Variants in DCDC1 observed in about 807,000 individuals in gnomAD.
The protein encoded by DCDC1 is doublecortin domain containing 1.
Under a neutral mutation model 178.3 loss-of-function variants are expected in DCDC1, and 200 were observed. The ratio of observed to expected loss-of-function variants is 1.12; its 90% CI spans 1.00 to 1.26. The LOEUF is 1.26. Among genes scored for constraint, DCDC1 ranks in the 50% most tolerant of loss-of-function variants. DCDC1 has a pLI of 0.00. For missense variants in DCDC1, 1,983 were observed against 1,749.2 expected, an observed-to-expected ratio of 1.13 and a Z score of -2.38; for synonymous variants, 690 against 604.8, an observed-to-expected ratio of 1.14 and a Z score of -2.07.
At chr11:31,215,375 A>AT (rs1343340983) in intron 9 of DCDC1, 1 of 151,386 alleles carries the variant, frequency 6.6e-6, no homozygotes, top group Non-Finnish European at 1.5e-5. Flanking sequence ...TGTAGATAAG[A>AT]TACACATGCA....
intron 20 of DCDC1, among the ~76,000 whole-genome samples, chr11:31,005,976 A>C (rs78174078): frequency 1.3e-5 from 2 of 150,778 alleles, no homozygotes; most frequent in African/African-American, 2.4e-5. Flanking sequence ...AAAAAAAAAA[A>C]AACTTTTGGT....
At chr11:31,083,055 T>C (rs759163892) in intron 17 of DCDC1, among the ~76,000 whole-genome samples, 1 of 152,204 alleles carries the variant, frequency 6.6e-6, no homozygotes, top group Non-Finnish European at 1.5e-5. Flanking sequence ...TCCTTAACAT[T>C]ATACAGCTAC....
intron 20 of DCDC1, among the ~76,000 whole-genome samples, chr11:31,062,549 A>G (rs1955991068): frequency 6.6e-6 from 1 of 152,142 alleles, no homozygotes; most frequent in South Asian, 2.1e-4. Flanking sequence ...CTGGAACTTA[A>G]GTTTCTGTAC....
chr11:31,275,605 A>G (rs777359741), intron 7 of DCDC1, among the ~76,000 whole-genome samples: 4 of 152,042 alleles, frequency 2.6e-5, no homozygotes, highest in Non-Finnish European at 5.9e-5. Flanking sequence ...CCCGGGTTCA[A>G]GTGATTCTCC....
chr11:31,029,862 C>G (rs1953503789), intron 20 of DCDC1, among the ~76,000 whole-genome samples: 1 of 151,838 alleles, frequency 6.6e-6, no homozygotes, highest in Non-Finnish European at 1.5e-5. Context: ...ATAGAAAGGC[C>G]AAAGAAGAGT....
intron 20 of DCDC1, among the ~76,000 whole-genome samples, chr11:31,014,665 G>A (rs1214292942): frequency 6.6e-6 from 1 of 152,088 alleles, no homozygotes. Flanking sequence ...TTGATATGAT[G>A]CCAGCCATTT....
In DCDC1 at chr11:31,019,467, T is replaced by A. The variant is rs571413997; in HGVS notation, c.2591+45002A>T. 1.5e-4 allele frequency among the ~76,000 whole-genome samples: 23 copies of A among 151,906 alleles called. No homozygotes were observed. In the South Asian group the frequency reaches 4.4e-3, roughly 29 times the overall value. ...AATCAATAGGGTGATATCTAAAGAG[T>A]ACCAGGGTTAATGTGGGGGTGGGGT... On this transcript the variant is annotated intron_variant, in intron 20 of 38. Transcript: ENST00000684477.
chr11:31,330,219 T>C (rs1239887518), intron 2 of DCDC1, among the ~76,000 whole-genome samples: 1 of 148,204 alleles, frequency 6.7e-6, no homozygotes, highest in East Asian at 1.9e-4. Flanking sequence ...TGTCTGTTCA[T>C]ATCCTACGCC....
chr11:31,074,885 G>A (rs1336393800), intron 18 of DCDC1, among the ~76,000 whole-genome samples: 1 of 152,182 alleles, frequency 6.6e-6, no homozygotes, highest in East Asian at 1.9e-4. Flanking sequence ...GCTGTAGACA[G>A]AGCCTAAATT....
At chr11:31,145,985 T>C (rs925738173) in intron 9 of DCDC1, among the ~76,000 whole-genome samples, 1 of 152,184 alleles carries the variant, frequency 6.6e-6, no homozygotes, top group Non-Finnish European at 1.5e-5. Context: ...GACACTAATA[T>C]TACTTTCTTC....
chr11:31,345,855 A>G lies in DCDC1; in HGVS notation c.-124-10291T>C, dbSNP rs373261467. 3.3e-5 allele frequency among the ~76,000 whole-genome samples: 5 copies of G among 152,322 alleles called. No individual in the cohort carries two copies. In the South Asian group the frequency reaches 6.2e-4, roughly 19 times the overall value. On this transcript the variant is annotated intron_variant, in intron 1 of 38. Transcript: ENST00000684477. ...TAGATGGAATAAAAGAATTAGAAAA[A>G]TCACCATTGCATAGACTCTAATGAA... is the stretch of plus-strand genomic sequence containing the variant.
chr11:30,889,503 G>C (rs1943587674), intron 36 of DCDC1, among the ~76,000 whole-genome samples: 2 of 152,118 alleles, frequency 1.3e-5, no homozygotes, highest in Non-Finnish European at 2.9e-5. Flanking sequence ...CTTCTTTGGA[G>C]TCACTGTCAT....
intron 36 of DCDC1, among the ~76,000 whole-genome samples, chr11:30,890,667 A>C (rs1943696855): frequency 6.6e-6 from 1 of 152,230 alleles, no homozygotes; most frequent in African/African-American, 2.4e-5. Flanking sequence ...ACATGCAAGA[A>C]AGAAAAATAA....
At chr11:30,982,744 G>C (rs963578265) in intron 20 of DCDC1, among the ~76,000 whole-genome samples, 8 of 151,986 alleles carry the variant, frequency 5.3e-5, no homozygotes, top group East Asian at 3.9e-4. Context: ...TTTTTCTACT[G>C]ATGCACCGCC....
intron 9 of DCDC1, among the ~76,000 whole-genome samples, chr11:31,143,234 G>A (rs1029873219): frequency 6.6e-6 from 1 of 152,106 alleles, no homozygotes; most frequent in Non-Finnish European, 1.5e-5. Flanking sequence ...TAAATAATAG[G>A]TAGTATCTGG....
At chr11:31,078,395 G>C (rs1956988940) in intron 17 of DCDC1, among the ~76,000 whole-genome samples, 1 of 152,194 alleles carries the variant, frequency 6.6e-6, no homozygotes, top group Non-Finnish European at 1.5e-5. Flanking sequence ...TCTCAGCTAA[G>C]TCTGAGTAAG....
chr11:31,326,425 A>C (rs1472936444), intron 3 of DCDC1, among the ~76,000 whole-genome samples: 1 of 152,222 alleles, frequency 6.6e-6, no homozygotes, highest in African/African-American at 2.4e-5. Context: ...TAAAAAGTGA[A>C]TGTATCACCA....
At chr11:31,262,231 C>A (rs1347349614) in intron 8 of DCDC1, among the ~76,000 whole-genome samples, 1 of 150,358 alleles carries the variant, frequency 6.7e-6, no homozygotes, top group Non-Finnish European at 1.5e-5. Flanking sequence ...TGCACCACTG[C>A]ACTCCAGCCT....
rs372263819 is a variant in DCDC1 at position 30,906,630 on chromosome 11, C to A, written c.4014G>T (p.Leu1338Phe). ...TACAGAGGAATGGAACCCCTGGAAG[C>A]AATTGTTTCAGTCCTTTCTCTGTTC... ...SMRTEKGLKQ[L>F]LPGVPFLCIS... Residue 1338 changes from leucine (L) to phenylalanine (F), a missense_variant, in exon 30 of 39, where the codon TTG becomes TTT. Physicochemically the swap from Leu to Phe is conservative, Grantham distance 22 (BLOSUM62 0). Transcript: ENST00000684477. 4.0e-5 allele frequency: 64 copies of A among 1,613,468 alleles called. No individual in the cohort carries two copies. The highest frequency in any genetic ancestry group is 4.9e-5 in the Non-Finnish European group (58 of 1,179,746).
Sources: gnomAD v4.1 joint callset for allele counts (sites outside exome capture counted in the v4.1 genomes callset) on GRCh38, gnomAD v4.1.1 for gene constraint, MANE v1.5 for transcripts, NCBI Gene and HGNC (gene_info 2026-07-23, HGNC 2026-07-21) for gene names.